RGS7: variants seen among roughly 807,000 people sequenced by gnomAD.
RGS7 encodes regulator of G protein signaling 7, also known as regulator of G-protein signaling 7.
Under a neutral mutation model 81.1 loss-of-function variants are expected in RGS7, and 27 were observed. The ratio of observed to expected loss-of-function variants is 0.33; its 90% CI spans 0.25 to 0.46. RGS7 has a LOEUF of 0.46. Among genes scored for constraint, RGS7 ranks in the 20% least tolerant of loss-of-function variants. The probability of loss-of-function intolerance (pLI) is 1.00; values close to 1 mark genes in which losing one functional copy is unlikely to be tolerated. For missense variants in RGS7, 396 were observed against 607.4 expected (o/e 0.65, Z 3.66); for synonymous variants, 208 against 207.7 (o/e 1.00, Z -0.01).
chr1:241,259,439 G>C (rs2077200073), intron 2 of RGS7, among the ~76,000 whole-genome samples: 1 of 151,510 alleles, frequency 6.6e-6, no homozygotes, highest in Non-Finnish European at 1.5e-5. Flanking sequence ...TGGATCACCT[G>C]AGATCGGTAG....
intron 2 of RGS7, among the ~76,000 whole-genome samples, chr1:241,170,056 G>A (rs72758872): frequency 0.11 from 16,784 of 151,972 alleles, 1,047 homozygotes; most frequent in East Asian, 0.24. Context: ...AAGGGCCACC[G>A]TCCATCAGCA....
intron 6 of RGS7, among the ~76,000 whole-genome samples, chr1:240,926,949 A>G (rs953700287): frequency 6.6e-6 from 1 of 152,232 alleles, no homozygotes; most frequent in Admixed American, 6.5e-5. Flanking sequence ...GTAGTTTTTC[A>G]TATCAACTGA....
intron 4 of RGS7, among the ~76,000 whole-genome samples, chr1:240,969,085 C>G (rs768586427): frequency 5.3e-5 from 8 of 152,152 alleles, no homozygotes; most frequent in Non-Finnish European, 1.2e-4. Context: ...GAGTGGCTAC[C>G]CTGATGAATA....
intron 9 of RGS7, among the ~76,000 whole-genome samples, chr1:240,838,771 T>TTA (rs972259436): frequency 2.3e-5 from 3 of 131,274 alleles, no homozygotes; most frequent in African/African-American, 9.2e-5. Context: ...TTTTTTATTA[T>TTA]TTTTTTTTTT....
chr1:240,821,055 G>C (rs919711123), intron 10 of RGS7, among the ~76,000 whole-genome samples: 4 of 152,182 alleles, frequency 2.6e-5, no homozygotes, highest in African/African-American at 9.7e-5. Flanking sequence ...AAGAAGCAGA[G>C]AGAAGGCAAC....
chr1:241,278,736 G>C (rs955272056), intron 2 of RGS7, among the ~76,000 whole-genome samples: 2 of 152,116 alleles, frequency 1.3e-5, no homozygotes, highest in Admixed American at 6.6e-5. Flanking sequence ...GAAGATCTAC[G>C]TTCTGTTGGC....
intron 18 of RGS7, among the ~76,000 whole-genome samples, chr1:240,789,260 T>G (rs2103001813): frequency 6.6e-6 from 1 of 152,332 alleles, no homozygotes; most frequent in South Asian, 2.1e-4. Flanking sequence ...TCCCGTCATC[T>G]TCATAAGCTG....
At chr1:241,053,583 T>C (rs920071662) in intron 3 of RGS7, among the ~76,000 whole-genome samples, 2 of 152,228 alleles carry the variant, frequency 1.3e-5, no homozygotes, top group African/African-American at 4.8e-5. Flanking sequence ...TCTACTTTCA[T>C]AGATCTTACT....
intron 2 of RGS7, among the ~76,000 whole-genome samples, chr1:241,102,025 T>C (rs2064779998): frequency 7.2e-5 from 11 of 152,212 alleles, no homozygotes; most frequent in Admixed American, 5.9e-4. Context: ...AAATATTCCA[T>C]TTTTCTGAGT....
At chr1:241,002,170 G>A (rs747976563) in intron 3 of RGS7, among the ~76,000 whole-genome samples, 4 of 152,040 alleles carry the variant, frequency 2.6e-5, no homozygotes, top group Non-Finnish European at 4.4e-5. Context: ...AAATAGGCCC[G>A]GCGGGATGGC....
intron 2 of RGS7, among the ~76,000 whole-genome samples, chr1:241,108,020 T>C (rs2065236184): frequency 1.3e-5 from 2 of 151,834 alleles, no homozygotes; most frequent in African/African-American, 2.4e-5. Context: ...AAGGGCCAGG[T>C]GCGGTGGCTC....
chr1:240,876,617 G>A (rs866041160), intron 6 of RGS7, among the ~76,000 whole-genome samples: 23 of 152,098 alleles, frequency 1.5e-4, no homozygotes, highest in Admixed American at 1.2e-3. Flanking sequence ...AATAAACAGG[G>A]GAAAGTCTCC....
chr1:240,950,697 GC>G (rs1679410408), intron 4 of RGS7, among the ~76,000 whole-genome samples: 1 of 152,150 alleles, frequency 6.6e-6, no homozygotes, highest in South Asian at 2.1e-4. Context: ...TCAGATTACA[GC>G]TGAAAGAGCT....
At chr1:241,082,985 G>A (rs934333113) in intron 3 of RGS7, among the ~76,000 whole-genome samples, 3 of 152,120 alleles carry the variant, frequency 2.0e-5, no homozygotes, top group African/African-American at 7.2e-5. Flanking sequence ...AGCACTTTGG[G>A]AGGCCAAGGC....
intron 3 of RGS7, among the ~76,000 whole-genome samples, chr1:241,095,581 G>C (rs185142255): frequency 6.6e-6 from 1 of 152,290 alleles, no homozygotes; most frequent in African/African-American, 2.4e-5. Flanking sequence ...CTTGAGCTCA[G>C]GAGGGTGAGG....
rs60911948 is a variant in RGS7 at position 240,960,217 on chromosome 1, C to CTTCTTTTTTTTTTTTTTTTTTTTTT, written c.226+22861_226+22862insAAAAAAAAAAAAAAAAAAAAAAGAA. 1.6e-3 allele frequency among the ~76,000 whole-genome samples: 14 copies of CTTCTTTTTTTTTTTTTTTTTTTTTT among 8,958 alleles called. 1 individual carries two copies. Among genetic ancestry groups the CTTCTTTTTTTTTTTTTTTTTTTTTT allele is most frequent in the East Asian group, 6.4e-3 (1 of 156 alleles). 5.9% of individuals were successfully genotyped at this position (8,958 alleles called of 152,430 possible). ...TTTTCTTCTTCTTCCTCTTCTTCTTCTTTTTTTTTTTTTTTTTGTTGTTGT... is the reference window on the plus strand; with the variant it reads ...TTTTCTTCTTCTTCCTCTTCTTCTTCTTCTTTTTTTTTTTTTTTTTTTTTTTTTTTTTTTTTTTTTTTGTTGTTGT... On this transcript the variant is annotated intron_variant, in intron 4 of 18. Coordinates refer to ENST00000440928, the MANE Select transcript of RGS7 (RefSeq NM_001364886.1).
chr1:241,267,882 T>C (rs1389762292), intron 2 of RGS7, among the ~76,000 whole-genome samples: 2 of 152,250 alleles, frequency 1.3e-5, no homozygotes, highest in Non-Finnish European at 2.9e-5. Flanking sequence ...TACTTTTTAA[T>C]TTCCCTGTTT....
At chr1:241,007,448 T>C (rs2058733329) in intron 3 of RGS7, among the ~76,000 whole-genome samples, 1 of 152,194 alleles carries the variant, frequency 6.6e-6, no homozygotes, top group Admixed American at 6.6e-5. Flanking sequence ...TCATTAGTAG[T>C]TAAGTTTTTG....
intron 2 of RGS7, among the ~76,000 whole-genome samples, chr1:241,252,967 T>C (rs1055449376): frequency 6.6e-6 from 1 of 152,174 alleles, no homozygotes; most frequent in Admixed American, 6.5e-5. Flanking sequence ...TGCTAGACTT[T>C]CCAGATATTT....
Sources: gnomAD v4.1 joint callset for allele counts (sites outside exome capture counted in the v4.1 genomes callset) on GRCh38, gnomAD v4.1.1 for gene constraint, MANE v1.5 for transcripts, NCBI Gene and HGNC (gene_info 2026-07-23, HGNC 2026-07-21) for gene names.